WIPF2: variants seen among roughly 807,000 people sequenced by gnomAD.
WIPF2 encodes WAS/WASL interacting protein family member 2, also known as WAS/WASL-interacting protein family member 2.
WIPF2 carries 23 observed loss-of-function variants against 38.8 expected under a neutral mutation model. That is an observed-to-expected ratio of 0.59 (90% CI 0.43 to 0.84). The LOEUF is 0.84. Ranked by LOEUF, WIPF2 falls within the 40% of genes least tolerant of loss-of-function variation. WIPF2 has a pLI of 0.00. For missense variants in WIPF2, 574 were observed against 580.5 expected (o/e 0.99, Z 0.11); for synonymous variants, 210 against 223.2 (o/e 0.94, Z 0.53).
At chr17:40,220,597 ATATATATATATATATATATATG>A (rs1406456788) in intron 1 of WIPF2, 14 of 79,460 alleles carry the variant, frequency 1.8e-4, no homozygotes, top group South Asian at 7.7e-4. Context: ...ATATATATAT[ATATATATATATATATATATATG>A]TATATATATA....
At chr17:40,257,504 G>T (rs578025038) in intron 2 of WIPF2, among the ~76,000 whole-genome samples, 11 of 151,926 alleles carry the variant, frequency 7.2e-5, no homozygotes, top group Non-Finnish European at 1.6e-4. Flanking sequence ...GTGATACCTG[G>T]TGTCACATGA....
At position 40,270,384 on chromosome 17, in the gene WIPF2, GA is replaced by G. The variant is rs1337958290; in HGVS notation, c.971-3401del. Among the ~76,000 whole-genome samples, 7 of 140,978 alleles carry G rather than the reference GA, an allele frequency of 5.0e-5. No individual in the cohort carries two copies. In the South Asian group the frequency reaches 1.4e-3, roughly 28 times the overall value. 92.5% of individuals were successfully genotyped at this position (140,978 alleles called of 152,430 possible). A position where few individuals can be genotyped will look rare whatever the true frequency, so the allele number is the denominator to read the frequency against. On this transcript the variant is annotated intron_variant, in intron 5 of 7. Coordinates refer to ENST00000323571, the MANE Select transcript of WIPF2 (RefSeq NM_133264.5). Reference sequence around the variant, plus strand: ...CCGTCTCAAAAAAAAAAAAAAAAAAGAAAAATAACTGGATCTGACAAAGAGC... The same window carrying G: ...CCGTCTCAAAAAAAAAAAAAAAAAAGAAAATAACTGGATCTGACAAAGAGC...
At chr17:40,264,031 C>T (rs529810999) in intron 4 of WIPF2, among the ~76,000 whole-genome samples, 1 of 151,822 alleles carries the variant, frequency 6.6e-6, no homozygotes, top group Non-Finnish European at 1.5e-5. Flanking sequence ...AGCCTGAAAC[C>T]GTATTAAAAC....
Position 40,264,471 on chromosome 17 carries a change from G to GT in WIPF2, c.314-17dup, listed in dbSNP as rs761419201. 6.2e-6 allele frequency: 10 copies of GT among 1,613,378 alleles called. No individual in the cohort carries two copies. In the African/African-American group the frequency reaches 1.2e-4, roughly 19 times the overall value. ...ATCTGTCCAGCTCTGTTGACCCTGT[G>GT]TTGTCTATGTATTTGTAGAGAACCT... On this transcript the variant is annotated intron_variant, in intron 4 of 7. Coordinates refer to ENST00000323571, the MANE Select transcript of WIPF2 (RefSeq NM_133264.5).
intron 1 of WIPF2, among the ~76,000 whole-genome samples, chr17:40,239,458 C>G (rs2031103723): frequency 6.6e-6 from 1 of 152,014 alleles, no homozygotes; most frequent in Non-Finnish European, 1.5e-5. Flanking sequence ...TACAGGCACC[C>G]TGGCAGGCTG....
chr17:40,235,019 C>T (rs911706035), intron 1 of WIPF2, among the ~76,000 whole-genome samples: 8 of 151,780 alleles, frequency 5.3e-5, no homozygotes, highest in South Asian at 2.1e-4. Flanking sequence ...CCTGGGTTCA[C>T]GCCATTCTCC....
intron 1 of WIPF2, among the ~76,000 whole-genome samples, chr17:40,244,841 A>G (rs1442586905): frequency 1.3e-5 from 2 of 152,178 alleles, no homozygotes; most frequent in African/African-American, 4.8e-5. Flanking sequence ...AGATGTTTAC[A>G]TGGCATGCTC....
intron 1 of WIPF2, among the ~76,000 whole-genome samples, chr17:40,221,098 A>AAT (rs1355552203): frequency 8.6e-5 from 13 of 151,996 alleles, no homozygotes; most frequent in Admixed American, 8.5e-4. Flanking sequence ...CATATTTTTT[A>AAT]AAGGACTTGA....
chr17:40,270,844 C>T (rs992080625), intron 5 of WIPF2, among the ~76,000 whole-genome samples: 10 of 151,364 alleles, frequency 6.6e-5, no homozygotes, highest in South Asian at 2.1e-4. Context: ...GTGTGTCTTA[C>T]GGGAAGCAAA....
intron 1 of WIPF2, among the ~76,000 whole-genome samples, chr17:40,249,545 C>T (rs2031484778): frequency 6.6e-6 from 1 of 151,836 alleles, no homozygotes; most frequent in Admixed American, 6.6e-5. Flanking sequence ...TGTCTGCCTC[C>T]TGGGTTCAAG....
intron 1 of WIPF2, among the ~76,000 whole-genome samples, chr17:40,242,052 T>C (rs1298031430): frequency 6.6e-6 from 1 of 152,156 alleles, no homozygotes; most frequent in Non-Finnish European, 1.5e-5. Flanking sequence ...GGCTCTGACA[T>C]AGAGTTGATT....
chr17:40,277,673 T>C (rs924508974), intron 7 of WIPF2, among the ~76,000 whole-genome samples: 3 of 142,052 alleles, frequency 2.1e-5, no homozygotes, highest in African/African-American at 8.1e-5. Context: ...AGAGGGAGAC[T>C]CCGTCTCAAA....
rs532924528 is a variant in WIPF2 at position 40,260,900 on chromosome 17, C to G, written c.196+233C>G. On this transcript the variant is annotated intron_variant, in intron 3 of 7. Coordinates refer to ENST00000323571, the MANE Select transcript of WIPF2 (RefSeq NM_133264.5). ...GGGCATGGTGGCTCATGCCTGTAAG[C>G]CCAGCACTTTGGGAGGTCAAGGTGG... 2.8e-5 allele frequency: 15 copies of G among 543,022 alleles called. No homozygotes were observed. The South Asian group carries it at 2.8e-4, about 10-fold the overall frequency. 33.6% of individuals were successfully genotyped at this position (543,022 alleles called of 1,614,324 possible).
chr17:40,262,367 G>A (rs537696992), intron 3 of WIPF2, among the ~76,000 whole-genome samples, 158 bp from the exon 4 acceptor site: 6 of 152,322 alleles, frequency 3.9e-5, no homozygotes, highest in South Asian at 4.1e-4. Flanking sequence ...AGCAGCATGA[G>A]CCACTGTACC....
chr17:40,232,741 C>T (rs990287576), intron 1 of WIPF2, among the ~76,000 whole-genome samples: 5 of 151,164 alleles, frequency 3.3e-5, no homozygotes, highest in African/African-American at 2.4e-5. Context: ...CTGGTTCAAG[C>T]GATTCTCCTG....
chr17:40,260,501 T>C (rs199652850), intron 2 of WIPF2, 34 bp from the exon 3 acceptor site: 1 of 1,611,662 alleles, frequency 6.2e-7, no homozygotes, highest in East Asian at 2.2e-5. Context: ...AAGGGAACTC[T>C]TTAGGGTGAA....
At chr17:40,234,450 A>AC (rs1245233334) in intron 1 of WIPF2, among the ~76,000 whole-genome samples, 1 of 151,344 alleles carries the variant, frequency 6.6e-6, no homozygotes, top group African/African-American at 2.4e-5. Flanking sequence ...CAAACAAACA[A>AC]ACAAAAAAAA....
intron 1 of WIPF2, among the ~76,000 whole-genome samples, chr17:40,247,924 A>G (rs2031425235): frequency 6.6e-6 from 1 of 152,166 alleles, no homozygotes; most frequent in African/African-American, 2.4e-5. Flanking sequence ...TTTAGAATCC[A>G]GTTTTAACAA....
chr17:40,271,746 T>C (rs1037335777), intron 5 of WIPF2, among the ~76,000 whole-genome samples: 4 of 152,198 alleles, frequency 2.6e-5, no homozygotes, highest in Non-Finnish European at 4.4e-5. Context: ...ATACTTCGCA[T>C]GTGTGGCTAT....
Sources: allele counts gnomAD v4.1 joint callset (sites outside exome capture counted in the v4.1 genomes callset), GRCh38; gene constraint gnomAD v4.1.1; transcripts MANE v1.5; gene names NCBI Gene and HGNC (gene_info 2026-07-23, HGNC 2026-07-21).